PCDHGA3: variants seen among roughly 807,000 people sequenced by gnomAD.
The protein encoded by PCDHGA3 is protocadherin gamma subfamily A, 3.
In PCDHGA3, 40 loss-of-function variants were observed where a neutral mutation model predicts 58.5. The ratio of observed to expected loss-of-function variants is 0.68; its 90% CI spans 0.53 to 0.89. The LOEUF (loss-of-function observed/expected upper bound fraction) is 0.89. Ranked by LOEUF, PCDHGA3 falls within the 40% of genes least tolerant of loss-of-function variation. PCDHGA3 has a pLI of 0.00. For missense variants in PCDHGA3, 1,223 were observed against 1,195.9 expected, an observed-to-expected ratio of 1.02 and a Z score of -0.33; for synonymous variants, 530 against 525.7, an observed-to-expected ratio of 1.01 and a Z score of -0.11.
chr5:141,421,548 G>A, intron 1 of PCDHGA3: 19 of 1,613,984 alleles, frequency 1.2e-5, no homozygotes, highest in Non-Finnish European at 1.6e-5. Flanking sequence ...TTTTAAATAT[G>A]GAACTTCTCG....
intron 1 of PCDHGA3, chr5:141,441,752 C>A (rs1043293959): frequency 5.3e-6 from 2 of 377,970 alleles, no homozygotes; most frequent in Non-Finnish European, 5.3e-6. Flanking sequence ...TCGGCGTCAA[C>A]GTGAGCCTGC....
Position 141,345,084 on chromosome 5 carries a change from T to C in PCDHGA3, c.1051T>C (p.Ser351Pro), listed in dbSNP as rs751565439. ...CAATGCTCCAGAAATTACAATCACG[T>C]CTCTCACAAGCTCAGTCCCAGAAGA... Reference protein sequence around the residue: ...NDNAPEITITSLTSSVPEEGT... With the variant: ...NDNAPEITITPLTSSVPEEGT... The change falls in exon 1 of 4, where the codon TCT becomes CCT. Residue 351 changes from serine to proline, a missense_variant. Physicochemically the swap from Ser to Pro is moderately conservative, Grantham distance 74 (BLOSUM62 -1). This residue lies in a region of PCDHGA3 where 791 missense variants were observed against 708.5 expected (regional missense o/e 1.12). Coordinates refer to ENST00000253812, the MANE Select transcript of PCDHGA3 (RefSeq NM_018916.4). 6 of 1,613,884 alleles carry C rather than the reference T, an allele frequency of 3.7e-6. No homozygotes were observed. In the Admixed American group the frequency reaches 1.0e-4, roughly 27 times the overall value.
intron 2 of PCDHGA3, 114 bp from the exon 3 acceptor site, chr5:141,505,279 C>T: frequency 6.5e-7 from 1 of 1,541,274 alleles, no homozygotes; most frequent in Non-Finnish European, 8.7e-7. Context: ...AGAAACAGGT[C>T]TTGGGCATGG....
intron 1 of PCDHGA3, chr5:141,352,202 C>T: frequency 6.2e-7 from 1 of 1,613,996 alleles, no homozygotes; most frequent in Non-Finnish European, 8.5e-7. Flanking sequence ...TGGAGGACAG[C>T]CGCCACTCTC....
At chr5:141,352,364 G>A (rs758290229) in intron 1 of PCDHGA3, 1 of 1,613,988 alleles carries the variant, frequency 6.2e-7, no homozygotes, top group South Asian at 1.1e-5. Flanking sequence ...CTTTCTCCTC[G>A]CGGTGATTCT....
rs779718690 is a variant in PCDHGA3, at chr5:141,421,727, C to G, written c.2425-73080C>G. ...AGGGATCCAGATGTGGGCGTGAACT[C>G]CCTCCAGAGCTACCAGCTCAGCCCT... On this transcript the variant is annotated intron_variant, in intron 1 of 3. Coordinates refer to ENST00000253812, the MANE Select transcript of PCDHGA3 (RefSeq NM_018916.4). The G allele has an allele frequency of 1.9e-6, 3 of 1,613,916 alleles. No individual in the cohort carries two copies. In the East Asian group the frequency reaches 6.7e-5, roughly 36 times the overall value.
intron 1 of PCDHGA3, chr5:141,418,974 G>C (rs754074516): frequency 1.0e-4 from 167 of 1,613,818 alleles, no homozygotes; most frequent in Non-Finnish European, 1.4e-4. Flanking sequence ...TTCAAAACAC[G>C]GGACCAAGAC....
intron 1 of PCDHGA3, chr5:141,360,307 G>A (rs13171859): frequency 0.11 from 182,138 of 1,613,876 alleles, 11,756 homozygotes; most frequent in Non-Finnish European, 0.13. Flanking sequence ...GGGGCTCAGC[G>A]TCCGGGACTT....
intron 1 of PCDHGA3, chr5:141,375,958 G>A (rs1002329693): frequency 7.4e-6 from 12 of 1,613,460 alleles, no homozygotes; most frequent in Non-Finnish European, 1.0e-5. Context: ...ACACGGGCGA[G>A]GTGCGCACGG....
intron 1 of PCDHGA3, chr5:141,408,275 T>C: frequency 1.2e-6 from 2 of 1,611,874 alleles, no homozygotes; most frequent in Non-Finnish European, 1.7e-6. Flanking sequence ...GCTGCCTTTG[T>C]TCTACCCCAC....
intron 3 of PCDHGA3, among the ~76,000 whole-genome samples, chr5:141,507,861 C>T (rs538942097): frequency 7.0e-4 from 106 of 152,306 alleles, no homozygotes; most frequent in African/African-American, 2.5e-3. Flanking sequence ...CTTTCACACC[C>T]GCTTCCTAGC....
Position 141,384,980 on chromosome 5 carries a change from T to A in PCDHGA3, c.2424+38523T>A, listed in dbSNP as rs772144829. The A allele has an allele frequency of 1.1e-5, 18 of 1,614,040 alleles. No individual in the cohort carries two copies. In the South Asian group the frequency reaches 1.6e-4, roughly 15 times the overall value. On this transcript the variant is annotated intron_variant, in intron 1 of 3. Coordinates refer to ENST00000253812, the MANE Select transcript of PCDHGA3 (RefSeq NM_018916.4). Reference sequence around the variant, plus strand: ...AACTATGACCTCACGTTGTACCTGGTGGTGGCGGTGGCCACAGTCTCCTGC... The same window carrying A: ...AACTATGACCTCACGTTGTACCTGGAGGTGGCGGTGGCCACAGTCTCCTGC...
intron 1 of PCDHGA3, among the ~76,000 whole-genome samples, chr5:141,436,478 A>G (rs1360229764): frequency 2.0e-5 from 3 of 152,220 alleles, no homozygotes; most frequent in Non-Finnish European, 4.4e-5. Context: ...TGTATCATAG[A>G]AGGATAGCAG....
chr5:141,377,373 A>G (rs1416774435), intron 1 of PCDHGA3: 1 of 152,200 alleles, frequency 6.6e-6, no homozygotes, highest in Non-Finnish European at 1.5e-5. Context: ...CAGGAGGCTG[A>G]GGCAGGAGGA....
chr5:141,379,104 A>C (rs955091727), intron 1 of PCDHGA3: 1 of 152,246 alleles, frequency 6.6e-6, no homozygotes, highest in Admixed American at 6.5e-5. Flanking sequence ...AGAAAAAAGC[A>C]ATTGAGAAGA....
At chr5:141,383,610 C>A (rs372785458) in intron 1 of PCDHGA3, 15 of 1,613,700 alleles carry the variant, frequency 9.3e-6, no homozygotes, top group Non-Finnish European at 1.3e-5. Flanking sequence ...ATGTGAATGA[C>A]CACACGCCTG....
At chr5:141,466,279 T>A (rs1386803685) in intron 1 of PCDHGA3, among the ~76,000 whole-genome samples, 1 of 152,144 alleles carries the variant, frequency 6.6e-6, no homozygotes, top group Non-Finnish European at 1.5e-5. Flanking sequence ...CAAGCAATCT[T>A]CCCACCTCAG....
At chr5:141,408,428 A>C (rs1397543407) in intron 1 of PCDHGA3, 1 of 1,614,076 alleles carries the variant, frequency 6.2e-7, no homozygotes, top group South Asian at 1.1e-5. Flanking sequence ...GCTGCACTTC[A>C]GCGTAGACGC....
rs745349592 is a variant in PCDHGA3 at position 141,346,161 on chromosome 5, G to T, written c.2128G>T (p.Val710Leu). ...CTGCGTCTTCCTGGCCTTCGTCATC[G>T]TGCTGCTGGCGCTCAGGCTGCGGCG... The part of the protein sequence containing the change: ...VSCVFLAFVI[V>L]LLALRLRRWH... The change falls in exon 1 of 4, where the codon GTG (valine) becomes TTG (leucine). Residue 710 changes from valine to leucine, a missense_variant. Val to Leu is a conservative substitution (Grantham distance 32, BLOSUM62 1). Coordinates refer to ENST00000253812, the MANE Select transcript of PCDHGA3 (RefSeq NM_018916.4). The T allele has an allele frequency of 2.5e-6, 4 of 1,613,908 alleles. No individual in the cohort carries two copies. Among genetic ancestry groups the T allele is most frequent in the African/African-American group, 1.3e-5 (1 of 74,942 alleles).
Sources: gnomAD v4.1 joint callset for allele counts (sites outside exome capture counted in the v4.1 genomes callset) on GRCh38, gnomAD v4.1.1 for gene constraint, gnomAD v4.1.1 regional missense constraint, MANE v1.5 for transcripts, NCBI Gene and HGNC (gene_info 2026-07-23, HGNC 2026-07-21) for gene names.